The following USP32 variants were observed in gnomAD, a reference collection of about 807,000 sequenced individuals.
The protein encoded by USP32 is ubiquitin specific peptidase 32, also known as ubiquitin carboxyl-terminal hydrolase 32.
USP32 carries 59 observed loss-of-function variants against 204.8 expected under a neutral mutation model. The observed-to-expected ratio is 0.29, with a 90% confidence interval of 0.23 to 0.36. USP32 has a LOEUF of 0.36. Ranked by LOEUF, USP32 falls within the 10% of genes least tolerant of loss-of-function variation. The pLI is 1.00. For missense variants in USP32, 1,160 were observed against 1,946.4 expected (o/e 0.60, Z 7.60); for synonymous variants, 517 against 678.4 (o/e 0.76, Z 3.70).
At chr17:60,325,433 G>A (rs1468715111) in intron 2 of USP32, among the ~76,000 whole-genome samples, 1 of 151,638 alleles carries the variant, frequency 6.6e-6, no homozygotes, top group East Asian at 1.9e-4. Flanking sequence ...ACAAAAAAAA[G>A]AGAAAAAGAA....
At chr17:60,349,578 GAAA>G (rs757370384) in intron 1 of USP32, among the ~76,000 whole-genome samples, 514 of 27,690 alleles carry the variant, frequency 0.019, 5 homozygotes, top group African/African-American at 0.057. Flanking sequence ...TGTCTCAAAA[GAAA>G]AAAAAAAAAA....
chr17:60,391,838 T>C lies in USP32; in HGVS notation c.58+44A>G, dbSNP rs769898127. Reference sequence around the variant, plus strand: ...GGTTACCCACCCTCCAGGCTGCCCGTCGCGGGCCTCCCAGGCAGCTCGCCC... The same window carrying C: ...GGTTACCCACCCTCCAGGCTGCCCGCCGCGGGCCTCCCAGGCAGCTCGCCC... On this transcript the variant is annotated intron_variant, in intron 1 of 33. Transcript: ENST00000300896. 2.0e-5 allele frequency: 31 copies of C among 1,574,234 alleles called. No homozygotes were observed. In the South Asian group the frequency reaches 3.4e-4, roughly 17 times the overall value.
Position 60,329,262 on chromosome 17 carries a change from G to C in USP32, c.186+16219C>G, listed in dbSNP as rs191003949. ...TTGGTATATTTTATTGTTTTTGCCT[G>C]ACAATGTGTGTGTGTGTTTTTTTTT... On this transcript the variant is annotated intron_variant, in intron 2 of 33. Transcript: ENST00000300896. Among the ~76,000 whole-genome samples the C allele has an allele frequency of 3.5e-4, 51 of 147,696 alleles. 2 individuals carry two copies. The South Asian group carries it at 8.3e-3, about 24-fold the overall frequency.
At chr17:60,409,131 T>C (rs2089999860) in intron 1 of USP32, among the ~76,000 whole-genome samples, 1 of 152,158 alleles carries the variant, frequency 6.6e-6, no homozygotes. Context: ...ACGGATCACC[T>C]GAGGCCAGGA....
At chr17:60,290,053 G>A (rs1282205347) in intron 4 of USP32, among the ~76,000 whole-genome samples, 1 of 152,090 alleles carries the variant, frequency 6.6e-6, no homozygotes, top group Non-Finnish European at 1.5e-5. Context: ...TACAAATTGG[G>A]TCATTCTTGT....
chr17:60,302,109 GTTTGTTTATTTATTTATTTA>G (rs1429047103), intron 2 of USP32, among the ~76,000 whole-genome samples: 149 of 130,374 alleles, frequency 1.1e-3, no homozygotes, highest in African/African-American at 3.7e-3. Context: ...TAAATATTTT[GTTTGTTTATTTATTTATTTA>G]TTTATTTATT....
In USP32 at chr17:60,319,022, C is replaced by T. The variant is rs141670319; in HGVS notation, c.187-17318G>A. On this transcript the variant is annotated intron_variant, in intron 2 of 33. Transcript: ENST00000300896. ...GACACATATTATATGATACCACTTA[C>T]GTAAAGTAATTTGAATCGGCAAATT... Among the ~76,000 whole-genome samples, 337 of 152,202 alleles carry T rather than the reference C, an allele frequency of 2.2e-3. 1 individual carries two copies. Among genetic ancestry groups the T allele is most frequent in the African/African-American group, 7.6e-3 (316 of 41,516 alleles).
intron 26 of USP32, 130 bp from the exon 27 acceptor site, chr17:60,198,574 T>G: frequency 2.6e-6 from 3 of 1,169,658 alleles, no homozygotes; most frequent in African/African-American, 1.6e-5. Context: ...CATTCTTCTC[T>G]GTATTTATAA....
Position 60,345,615 on chromosome 17 carries a change from T to A in USP32, c.59-7A>T, listed in dbSNP as rs1156289987. 6.2e-7 allele frequency: 1 copy of A among 1,613,862 alleles called. No individual in the cohort carries two copies. Among genetic ancestry groups the A allele is most frequent in the East Asian group, 2.2e-5 (1 of 44,860 alleles). On this transcript the variant is annotated splice_polypyrimidine_tract_variant and splice_region_variant and intron_variant, in intron 1 of 33. Transcript: ENST00000300896. ...TTTAGCTCTACATCTGTAACTGCAATTCAGAAACAGAAGATGGGTAAGAAA... is the reference window on the plus strand; with the variant it reads ...TTTAGCTCTACATCTGTAACTGCAAATCAGAAACAGAAGATGGGTAAGAAA...
chr17:60,202,493 T>C (rs1164684703), intron 26 of USP32, among the ~76,000 whole-genome samples: 2 of 149,292 alleles, frequency 1.3e-5, no homozygotes, highest in African/African-American at 5.0e-5. Context: ...ACTTTGCATT[T>C]GTATTGGGAT....
At chr17:60,406,562 C>T (rs1335186238) in intron 1 of USP32, among the ~76,000 whole-genome samples, 1 of 151,160 alleles carries the variant, frequency 6.6e-6, no homozygotes, top group Non-Finnish European at 1.5e-5. Context: ...GTCACCCAGG[C>T]TGGAGTGCAA....
chr17:60,220,755 C>T (rs2258711), intron 15 of USP32, among the ~76,000 whole-genome samples: 740 of 136,878 alleles, frequency 5.4e-3, no homozygotes, highest in South Asian at 8.1e-3. Context: ...GCCATTCTCC[C>T]GCCTCAGCCT....
rs565328698 is a variant in USP32, at chr17:60,344,580, C to A, written c.186+901G>T. 2.3e-3 allele frequency among the ~76,000 whole-genome samples: 352 copies of A among 151,982 alleles called. 2 individuals carry two copies. The highest frequency in any genetic ancestry group is 8.0e-3 in the African/African-American group (333 of 41,472). On this transcript the variant is annotated intron_variant, in intron 2 of 33. Coordinates refer to ENST00000300896, the MANE Select transcript of USP32 (RefSeq NM_032582.4). ...TCCTCCTACTTCAGCCTCCTGAGTA[C>A]CTGGGACTTACAGGCACACACCATC...
intron 7 of USP32, among the ~76,000 whole-genome samples, chr17:60,268,524 G>A (rs1264532326): frequency 4.4e-5 from 6 of 136,866 alleles, no homozygotes; most frequent in African/African-American, 1.1e-4. Context: ...AGTGAGCTAC[G>A]ATCACACCAC....
rs750294542 is a variant in USP32, at chr17:60,213,564, A to G, written c.2104+17T>C. 1.8e-4 allele frequency: 204 copies of G among 1,118,610 alleles called. No individual in the cohort carries two copies. Among genetic ancestry groups the G allele is most frequent in the Non-Finnish European group, 2.4e-4 (191 of 796,030 alleles). 69.3% of individuals were successfully genotyped at this position (1,118,610 alleles called of 1,614,324 possible). A position where few individuals can be genotyped will look rare whatever the true frequency, so the allele number is the denominator to read the frequency against. ...CCCCTTGAAAATTTAATATAGATGC[A>G]TGCTTCCATCTTGTACCTTCAATTA... On this transcript the variant is annotated intron_variant, in intron 18 of 33. Coordinates refer to ENST00000300896, the MANE Select transcript of USP32 (RefSeq NM_032582.4).
chr17:60,208,028 A>C (rs773883196), intron 24 of USP32, 31 bp downstream of exon 24: 2 of 1,544,918 alleles, frequency 1.3e-6, no homozygotes, highest in Non-Finnish European at 1.8e-6. Context: ...GGAGGATAGA[A>C]TCAAAAGTTT....
chr17:60,237,632 GGACCTATT>G (rs1264890449), intron 11 of USP32, among the ~76,000 whole-genome samples: 1 of 152,078 alleles, frequency 6.6e-6, no homozygotes, highest in African/African-American at 2.4e-5. Context: ...TCTGCTGTCT[GGACCTATT>G]GACTTGCCTG....
intron 2 of USP32, among the ~76,000 whole-genome samples, chr17:60,320,630 T>C (rs889276458): frequency 1.3e-5 from 2 of 152,202 alleles, no homozygotes; most frequent in Non-Finnish European, 2.9e-5. Context: ...CAGAAATTGA[T>C]GTTTTTTTCA....
intron 1 of USP32, among the ~76,000 whole-genome samples, chr17:60,384,777 A>G (rs1183499958): frequency 6.6e-6 from 1 of 150,812 alleles, no homozygotes; most frequent in Non-Finnish European, 1.5e-5. Context: ...AGGCAACAAG[A>G]GCAAAACTCC....
Sources: allele counts gnomAD v4.1 joint callset (sites outside exome capture counted in the v4.1 genomes callset), GRCh38; gene constraint gnomAD v4.1.1; transcripts MANE v1.5; gene names NCBI Gene and HGNC (gene_info 2026-07-23, HGNC 2026-07-21).